Variants in PLCE1 observed in about 807,000 individuals in gnomAD.
PLCE1 encodes 1-phosphatidylinositol 4,5-bisphosphate phosphodiesterase epsilon-1.
Under a neutral mutation model 242.8 loss-of-function variants are expected in PLCE1, and 119 were observed. That is an observed-to-expected ratio of 0.49 (90% CI 0.42 to 0.57). The LOEUF (loss-of-function observed/expected upper bound fraction) is 0.57. PLCE1 is among the 20% of genes least tolerant of loss of function. PLCE1 has a pLI of 0.00. For synonymous variants in PLCE1, 945 were observed against 1,017.4 expected (o/e 0.93, Z 1.35); for missense variants, 2,441 against 2,788.8 (o/e 0.88, Z 2.81).
intron 6 of PLCE1, among the ~76,000 whole-genome samples, chr10:94,235,266 A>G (rs1451310845): frequency 1.3e-5 from 2 of 152,162 alleles, no homozygotes; most frequent in African/African-American, 4.8e-5. Flanking sequence ...GAGCTAGGAT[A>G]AAAGGGCAAG....
intron 24 of PLCE1, among the ~76,000 whole-genome samples, chr10:94,300,872 C>A (rs1268890731): frequency 6.6e-6 from 1 of 151,840 alleles, no homozygotes; most frequent in Non-Finnish European, 1.5e-5. Flanking sequence ...ACCAGCCTGT[C>A]CAGCATGGTG....
At chr10:94,302,465 A>G (rs893394698) in intron 24 of PLCE1, among the ~76,000 whole-genome samples, 1 of 152,220 alleles carries the variant, frequency 6.6e-6, no homozygotes, top group African/African-American at 2.4e-5. Flanking sequence ...AAAGTTTTGG[A>G]AAACTATTAG....
At chr10:94,132,713 G>C (rs2046639243) in intron 3 of PLCE1, among the ~76,000 whole-genome samples, 1 of 151,514 alleles carries the variant, frequency 6.6e-6, no homozygotes, top group African/African-American at 2.4e-5. Flanking sequence ...CACTTTGGGA[G>C]GCCAAGGCGG....
chr10:94,071,647 T>C (rs535267768), intron 2 of PLCE1, among the ~76,000 whole-genome samples: 1 of 151,996 alleles, frequency 6.6e-6, no homozygotes, highest in African/African-American at 2.4e-5. Context: ...TACAGGTGCA[T>C]GCCACCATGC....
intron 4 of PLCE1, among the ~76,000 whole-genome samples, chr10:94,188,516 C>T (rs780362484): frequency 6.6e-5 from 10 of 152,188 alleles, no homozygotes; most frequent in African/African-American, 2.2e-4. Flanking sequence ...TCTGACTCCA[C>T]GTCCTGGGCT....
chr10:94,269,793 G>T (rs1296590470), intron 17 of PLCE1, among the ~76,000 whole-genome samples: 1 of 152,150 alleles, frequency 6.6e-6, no homozygotes, highest in Non-Finnish European at 1.5e-5. Flanking sequence ...TAAGAAGATT[G>T]GTCACCCAGG....
chr10:94,030,299 CCCTT>C (rs2061531099), intron 1 of PLCE1, among the ~76,000 whole-genome samples: 1 of 152,046 alleles, frequency 6.6e-6, no homozygotes, highest in Non-Finnish European at 1.5e-5. Context: ...ATCTGAGTTT[CCCTT>C]CCTTGCCTTG....
chr10:94,125,034 G>T (rs1022536232), intron 2 of PLCE1, among the ~76,000 whole-genome samples: 1 of 152,152 alleles, frequency 6.6e-6, no homozygotes, highest in African/African-American at 2.4e-5. Flanking sequence ...AATGTAGTCA[G>T]GGCCAAAAAA....
At chr10:94,103,345 A>G (rs1321358119) in intron 2 of PLCE1, among the ~76,000 whole-genome samples, 1 of 152,218 alleles carries the variant, frequency 6.6e-6, no homozygotes. Flanking sequence ...TACTGATGCT[A>G]CCAGACACCC....
At chr10:94,324,270 C>G in intron 30 of PLCE1, 79 bp from the exon 31 acceptor site, 1 of 1,162,532 alleles carries the variant, frequency 8.6e-7, no homozygotes, top group Non-Finnish European at 1.3e-6. Flanking sequence ...CATTTTTCCA[C>G]CTTAAAGTTT....
At chr10:94,305,218 T>G (rs1305231867) in intron 25 of PLCE1, among the ~76,000 whole-genome samples, 2 of 152,030 alleles carry the variant, frequency 1.3e-5, no homozygotes, top group African/African-American at 2.4e-5. Context: ...CGCTTTGCGC[T>G]CAAGAGTTCG....
intron 32 of PLCE1, among the ~76,000 whole-genome samples, chr10:94,327,687 C>T (rs948393256): frequency 3.9e-5 from 6 of 152,112 alleles, no homozygotes; most frequent in Non-Finnish European, 7.4e-5. Context: ...TGAAGGAATT[C>T]CACCTTTTCT....
At chr10:94,269,413 T>C (rs55753709) in intron 17 of PLCE1, among the ~76,000 whole-genome samples, 56,528 of 151,848 alleles carry the variant, frequency 0.37, 11,059 homozygotes, top group African/African-American at 0.5. Context: ...CTTCATTCTT[T>C]ATTTAAATCA....
At chr10:94,273,395 T>A (rs1408458814) in intron 18 of PLCE1, among the ~76,000 whole-genome samples, 167 bp from the exon 19 acceptor site, 1 of 152,226 alleles carries the variant, frequency 6.6e-6, no homozygotes, top group Non-Finnish European at 1.5e-5. Flanking sequence ...AGTAAGAAAC[T>A]GTGAAGGGGG....
In PLCE1 at chr10:94,279,617, A is replaced by T. The variant is rs929267915; in HGVS notation, c.4666-165A>T. The stretch of plus-strand genomic sequence containing the variant: ...AATGCTAACGTTCACCCAAGTGTTG[A>T]CATTGCATTTCGAGGGAATCTAGAT... On this transcript the variant is annotated intron_variant, in intron 19 of 32. Transcript: ENST00000371380. 8.6e-5 allele frequency: 60 copies of T among 695,092 alleles called. No homozygotes were observed. In the Admixed American group the frequency reaches 1.0e-3, roughly 12 times the overall value. The allele number at this position is 695,092 out of a possible 1,614,324, so 43.1% of individuals were successfully genotyped here.
chr10:94,185,372 T>G (rs1028028792), intron 4 of PLCE1, among the ~76,000 whole-genome samples: 3 of 152,212 alleles, frequency 2.0e-5, no homozygotes, highest in Admixed American at 6.5e-5. Flanking sequence ...AGTGTGTGCC[T>G]GTAATCCCAG....
intron 3 of PLCE1, among the ~76,000 whole-genome samples, chr10:94,158,854 C>CTTTTTTTTTTT (rs35760715): frequency 2.6e-4 from 29 of 111,568 alleles, no homozygotes; most frequent in East Asian, 1.1e-3. Flanking sequence ...TCTTCTTTTT[C>CTTTTTTTTTTT]TTTTTTTTTT....
chr10:94,115,733 A>G (rs961513428), intron 2 of PLCE1, among the ~76,000 whole-genome samples: 1 of 152,102 alleles, frequency 6.6e-6, no homozygotes, highest in Non-Finnish European at 1.5e-5. Flanking sequence ...CTCTGATGGT[A>G]GTTTCTTTTG....
chr10:94,316,332 T>C (rs2053571468), intron 28 of PLCE1, among the ~76,000 whole-genome samples: 1 of 152,212 alleles, frequency 6.6e-6, no homozygotes, highest in Admixed American at 6.5e-5. Context: ...TTATGCTGTC[T>C]GGGGATTATG....
Sources: gnomAD v4.1 joint callset for allele counts (sites outside exome capture counted in the v4.1 genomes callset) on GRCh38, gnomAD v4.1.1 for gene constraint, MANE v1.5 for transcripts, NCBI Gene and HGNC (gene_info 2026-07-23, HGNC 2026-07-21) for gene names.